SPARCL1: variants seen among roughly 807,000 people sequenced by gnomAD.
The protein encoded by SPARCL1 is SPARC-like protein 1.
A neutral mutation model predicts 67.1 loss-of-function variants in SPARCL1; 52 were observed. The observed-to-expected ratio is 0.78, with a 90% CI of 0.62 to 0.98. The LOEUF is 0.98. SPARCL1 is among the 50% of genes least tolerant of loss of function. The probability of loss-of-function intolerance (pLI) is 0.00; values close to 1 mark genes in which losing one functional copy is unlikely to be tolerated. For missense variants in SPARCL1, 717 were observed against 782.4 expected, an observed-to-expected ratio of 0.92 and a Z score of 1.00; for synonymous variants, 226 against 267.8, an observed-to-expected ratio of 0.84 and a Z score of 1.52.
intron 1 of SPARCL1, among the ~76,000 whole-genome samples, chr4:87,510,396 A>C (rs4693825): frequency 0.54 from 81,949 of 151,874 alleles, 24,973 homozygotes; most frequent in African/African-American, 0.81. Context: ...CCGATTGGTT[A>C]TTTCTGAATA....
rs879921460 is a variant in SPARCL1 at position 87,522,681 on chromosome 4, A to G, written c.-12+6364T>C. ...CACACACACACACACACACACACACACGCACACACACAGAGTTAACCTCTA... is the reference window on the plus strand; with the variant it reads ...CACACACACACACACACACACACACGCGCACACACACAGAGTTAACCTCTA... On this transcript the variant is annotated intron_variant, in intron 1 of 10. Transcript: ENST00000282470. 7.2e-3 allele frequency among the ~76,000 whole-genome samples: 1,066 copies of G among 147,444 alleles called. 4 individuals carry two copies. The highest frequency in any genetic ancestry group is 0.012 in the Non-Finnish European group (785 of 66,706).
intron 1 of SPARCL1, among the ~76,000 whole-genome samples, chr4:87,512,920 C>G (rs1006274725): frequency 6.6e-6 from 1 of 152,092 alleles, no homozygotes; most frequent in African/African-American, 2.4e-5. Context: ...AATTGTGTAG[C>G]TTTTGGGGGC....
rs528987972 is a variant in SPARCL1 at position 87,522,440 on chromosome 4, G to A, written c.-12+6605C>T. ...ATACATTAAACCTGAATCAAGCAAA[G>A]GGCACATACATTTAGTGCTCAGGGA... On this transcript the variant is annotated intron_variant, in intron 1 of 10. Coordinates refer to ENST00000282470, the MANE Select transcript of SPARCL1 (RefSeq NM_004684.6). Among the ~76,000 whole-genome samples the A allele has an allele frequency of 8.5e-4, 129 of 151,658 alleles. 1 individual carries two copies. The highest frequency in any genetic ancestry group is 3.0e-3 in the African/African-American group (124 of 41,312).
intron 1 of SPARCL1, among the ~76,000 whole-genome samples, chr4:87,518,282 C>T (rs554108032): frequency 1.3e-5 from 2 of 152,286 alleles, no homozygotes; most frequent in East Asian, 3.9e-4. Context: ...TAATTCTTCT[C>T]CTCCCACCAT....
chr4:87,516,686 C>T (rs1442219520), intron 1 of SPARCL1, among the ~76,000 whole-genome samples: 1 of 152,108 alleles, frequency 6.6e-6, no homozygotes, highest in African/African-American at 2.4e-5. Context: ...AAAGGGCACC[C>T]GGAGGCACAG....
rs574919048 is a variant in SPARCL1, at chr4:87,493,361, A to G, written c.1218+221T>C. On this transcript the variant is annotated intron_variant, in intron 4 of 10. Transcript: ENST00000282470. Reference sequence around the variant, plus strand: ...CTTTGTTCCCTGTGCTTCTTAAATAAACAACACTCAAATCCAAGATCTGCA... The same window carrying G: ...CTTTGTTCCCTGTGCTTCTTAAATAGACAACACTCAAATCCAAGATCTGCA... Among the ~76,000 whole-genome samples the G allele has an allele frequency of 7.3e-4, 111 of 152,312 alleles. 6 individuals carry two copies. Among genetic ancestry groups the G allele is most frequent in the South Asian group, 8.3e-4 (4 of 4,828 alleles).
rs1723494425 is a variant in SPARCL1 at position 87,474,738 on chromosome 4, TCTC to T, written c.1967-938_1967-936del. Among the ~76,000 whole-genome samples the T allele has an allele frequency of 7.5e-5, 6 of 79,738 alleles. No individual in the cohort carries two copies. The South Asian group carries it at 3.1e-3, about 41-fold the overall frequency. The allele number at this position is 79,738 out of a possible 152,430, so 52.3% of individuals were successfully genotyped here. A position where few individuals can be genotyped will look rare whatever the true frequency, so the allele number is the denominator to read the frequency against. On this transcript the variant is annotated intron_variant, in intron 10 of 10. Transcript: ENST00000282470. ...TAGACCATCTGTAAAGATTTCTCTC[TCTC>T]TCTTTTTTTTTTTTTTTTTGAGACG...
At chr4:87,502,748 T>C (rs1246463927) in intron 1 of SPARCL1, among the ~76,000 whole-genome samples, 1 of 152,224 alleles carries the variant, frequency 6.6e-6, no homozygotes, top group Non-Finnish European at 1.5e-5. Context: ...TATTTGGCTG[T>C]CCATTAATAC....
intron 1 of SPARCL1, among the ~76,000 whole-genome samples, chr4:87,506,812 TCTATCTATCTATCTACCTAC>T (rs1725102377): frequency 7.5e-6 from 1 of 133,818 alleles, no homozygotes; most frequent in Non-Finnish European, 1.6e-5. Context: ...TATCTATCTA[TCTATCTATCTATCTACCTAC>T]CTACCTACCT....
rs895690648 is a variant in SPARCL1, at chr4:87,490,259, G to C, written c.1531+14C>G. 18 of 1,602,720 alleles carry C rather than the reference G, an allele frequency of 1.1e-5. No individual in the cohort carries two copies. Among genetic ancestry groups the C allele is most frequent in the Non-Finnish European group, 1.4e-5 (16 of 1,175,544 alleles). ...TCTCAGAGATGATGGTTGACAGGAG[G>C]GACATAATCTTACATTTGCAGGCTC... On this transcript the variant is annotated intron_variant, in intron 7 of 10. Coordinates refer to ENST00000282470, the MANE Select transcript of SPARCL1 (RefSeq NM_004684.6).
chr4:87,493,990 A>C lies in SPARCL1; in HGVS notation c.810T>G (p.Asp270Glu). Residue 270 changes from aspartate to glutamate, a missense_variant, in exon 4 of 11, where the codon GAT becomes GAG. Asp to Glu is a conservative substitution (Grantham distance 45). Transcript: ENST00000282470. The stretch of plus-strand genomic sequence containing the variant: ...CCTCTTCCATTTCTGCATTGGAGTT[A>C]TCTTCTTGTTCTTGGTTACCCTGAT... ...EFDQGNQEQEDNSNAEMEEEN... is the reference protein window; with the variant it reads ...EFDQGNQEQEENSNAEMEEEN... The C allele has an allele frequency of 6.2e-7, 1 of 1,614,080 alleles. No individual in the cohort carries two copies. Among genetic ancestry groups the C allele is most frequent in the Non-Finnish European group, 8.5e-7 (1 of 1,180,018 alleles).
At chr4:87,484,275 G>A (rs1433956321) in intron 7 of SPARCL1, among the ~76,000 whole-genome samples, 1 of 152,112 alleles carries the variant, frequency 6.6e-6, no homozygotes, top group African/African-American at 2.4e-5. Flanking sequence ...TGTAAGGAAG[G>A]GATCCAGTTT....
intron 7 of SPARCL1, among the ~76,000 whole-genome samples, chr4:87,487,821 T>C (rs1724136921): frequency 6.6e-6 from 1 of 152,208 alleles, no homozygotes; most frequent in African/African-American, 2.4e-5. Context: ...TAATCTTGTC[T>C]TCATGCTTTA....
intron 7 of SPARCL1, 128 bp from the exon 8 acceptor site, chr4:87,482,688 G>A (rs1723882298): frequency 1.1e-6 from 1 of 931,858 alleles, no homozygotes; most frequent in Admixed American, 2.3e-5. Context: ...TATTATGACA[G>A]TGGTCCTCAG....
chr4:87,517,491 G>A (rs1208347868), intron 1 of SPARCL1, among the ~76,000 whole-genome samples: 1 of 152,108 alleles, frequency 6.6e-6, no homozygotes, highest in Non-Finnish European at 1.5e-5. Context: ...CCTAGCCCCT[G>A]TAATTATCAG....
chr4:87,526,278 C>G (rs867588918), intron 1 of SPARCL1, among the ~76,000 whole-genome samples: 1 of 152,146 alleles, frequency 6.6e-6, no homozygotes, highest in South Asian at 2.1e-4. Context: ...ATAGTAGTGT[C>G]CGATTTACTT....
Position 87,491,598 on chromosome 4 carries a change from C to T in SPARCL1, c.1291+20G>A, listed in dbSNP as rs772110979. ...TCTTCCTTGATATAGTCACAAACAG[C>T]TTGCTTCATGCATACTCACCCACAG... On this transcript the variant is annotated intron_variant, in intron 5 of 10. Transcript: ENST00000282470. 6.3e-7 allele frequency: 1 copy of T among 1,596,604 alleles called. No individual in the cohort carries two copies. Among genetic ancestry groups the T allele is most frequent in the Admixed American group, 1.7e-5 (1 of 60,008 alleles).
Position 87,493,018 on chromosome 4 carries a change from G to A in SPARCL1, c.1218+564C>T, listed in dbSNP as rs190296351. Among the ~76,000 whole-genome samples, 11 of 152,318 alleles carry A rather than the reference G, an allele frequency of 7.2e-5. No individual in the cohort carries two copies. The East Asian group carries it at 1.3e-3, about 19-fold the overall frequency. ...AAAACAATATGGCATCTGCTTTCAA[G>A]GCATTAGAGCAGCAGTTGCCAGTAT... On this transcript the variant is annotated intron_variant, in intron 4 of 10. Transcript: ENST00000282470.
intron 1 of SPARCL1, among the ~76,000 whole-genome samples, chr4:87,524,784 C>A (rs757411479): frequency 5.3e-5 from 8 of 152,136 alleles, no homozygotes; most frequent in Non-Finnish European, 1.0e-4. Context: ...TAGACTGGAA[C>A]CTTGCTGTTT....
Sources: allele counts gnomAD v4.1 joint callset (sites outside exome capture counted in the v4.1 genomes callset), GRCh38; gene constraint gnomAD v4.1.1; transcripts MANE v1.5; gene names NCBI Gene and HGNC (gene_info 2026-07-23, HGNC 2026-07-21).